MGA: variants seen among roughly 807,000 people sequenced by gnomAD.
The protein encoded by MGA is MAX dimerization protein MGA.
A neutral mutation model predicts 261.1 loss-of-function variants in MGA; 40 were observed. The observed-to-expected ratio is 0.15, with a 90% confidence interval of 0.12 to 0.20. The LOEUF is 0.20. Ranked by LOEUF, MGA falls within the 10% of genes least tolerant of loss-of-function variation. The pLI, the probability that MGA is intolerant of heterozygous loss-of-function variation, is 1.00. For synonymous variants in MGA, 1,302 were observed against 1,290.6 expected (o/e 1.01, Z -0.19); for missense variants, 3,397 against 3,630.5 (o/e 0.94, Z 1.65).
chr15:41,710,927 C>A lies in MGA; in HGVS notation c.2662C>A (p.Pro888Thr). 9.3e-6 allele frequency: 15 copies of A among 1,613,972 alleles called. No homozygotes were observed. Among genetic ancestry groups the A allele is most frequent in the Non-Finnish European group, 1.3e-5 (15 of 1,179,888 alleles). ...CCCTTCTACCTCTTATTCTTTGAAA[C>A]CTCATTCTGTACCCCCTGTCTCTCG... The change falls in exon 8 of 24, where the codon CCT (proline) becomes ACT (threonine). Residue 888 changes from proline to threonine, a missense_variant. Around this residue, in one of 9 missense-constraint regions of MGA, gnomAD observed 519 missense variants for 554.1 expected, o/e 0.94. Transcript: ENST00000219905.
chr15:41,745,281 T>TTAAAAAAAAAA (rs1555432883), intron 15 of MGA, among the ~76,000 whole-genome samples: 1 of 33,240 alleles, frequency 3.0e-5, no homozygotes, highest in Non-Finnish European at 6.7e-5. Flanking sequence ...GAATGATCAA[T>TTAAAAAAAAAA]AAAAAAAAAA....
At chr15:41,701,618 A>G (rs533175238) in intron 5 of MGA, among the ~76,000 whole-genome samples, 1 of 152,174 alleles carries the variant, frequency 6.6e-6, no homozygotes, top group Non-Finnish European at 1.5e-5. Context: ...GGACAGCTGC[A>G]TCAGTGGATT....
intron 3 of MGA, among the ~76,000 whole-genome samples, chr15:41,697,986 A>C (rs2059628954): frequency 6.6e-6 from 1 of 151,946 alleles, no homozygotes; most frequent in Non-Finnish European, 1.5e-5. Context: ...CCCCTGCCTC[A>C]GACTCCCGAG....
At chr15:41,647,150 A>G (rs1355651492) in intron 1 of MGA, among the ~76,000 whole-genome samples, 1 of 152,140 alleles carries the variant, frequency 6.6e-6, no homozygotes, top group Non-Finnish European at 1.5e-5. Context: ...AAATTGATAA[A>G]ATTTATGGAC....
At position 41,696,263 on chromosome 15, in the gene MGA, A is replaced by T; in HGVS notation, c.1253A>T (p.Asp418Val). The change falls in exon 3 of 24, where the codon GAT (aspartate) becomes GTT (valine). Residue 418 changes from aspartate to valine, a missense_variant. By Grantham distance (152) the Asp-to-Val change is radical. Around this residue, in one of 9 missense-constraint regions of MGA, gnomAD observed 563 missense variants for 563.6 expected, o/e 1.00. Transcript: ENST00000219905. ...GAGACGGATGTATACTCAAACAGTG[A>T]TGATGATCCTATACTAGAGAAACAG... 1 of 1,613,998 alleles carries T rather than the reference A, an allele frequency of 6.2e-7. No individual in the cohort carries two copies. Among genetic ancestry groups the T allele is most frequent in the Non-Finnish European group, 8.5e-7 (1 of 1,179,904 alleles).
intron 2 of MGA, among the ~76,000 whole-genome samples, chr15:41,678,310 C>G (rs1009211773): frequency 1.3e-5 from 2 of 151,458 alleles, no homozygotes; most frequent in Admixed American, 6.6e-5. Flanking sequence ...AGGCTGGTGT[C>G]GAACTCCTGA....
Position 41,696,299 on chromosome 15 carries a change from A to C in MGA, c.1289A>C (p.His430Pro). 1 of 1,613,954 alleles carries C rather than the reference A, an allele frequency of 6.2e-7. No individual in the cohort carries two copies. The highest frequency in any genetic ancestry group is 8.5e-7 in the Non-Finnish European group (1 of 1,179,906). The change falls in exon 3 of 24, where the codon CAC becomes CCC. Residue 430 changes from histidine (H) to proline (P), a missense_variant. By Grantham distance (77) the His-to-Pro change is moderately conservative. Coordinates refer to ENST00000219905, the MANE Select transcript of MGA (RefSeq NM_001164273.2). ...ATACTAGAGAAACAGCTAAAGAGGC[A>C]CAATAAAGTTGACAACCCAGAAGCT... is the stretch of plus-strand genomic sequence containing the variant.
chr15:41,726,532 C>A (rs890178941), intron 9 of MGA, among the ~76,000 whole-genome samples: 2 of 151,994 alleles, frequency 1.3e-5, no homozygotes, highest in Non-Finnish European at 2.9e-5. Context: ...AGTTCGAGAC[C>A]AGCCTGGCCA....
At chr15:41,755,112 T>A (rs1373248280) in intron 18 of MGA, among the ~76,000 whole-genome samples, 1 of 152,172 alleles carries the variant, frequency 6.6e-6, no homozygotes, top group Non-Finnish European at 1.5e-5. Flanking sequence ...ATGAAAGGAA[T>A]GATGACTTGC....
intron 8 of MGA, among the ~76,000 whole-genome samples, 192 bp downstream of exon 8, chr15:41,711,541 C>T (rs1167733980): frequency 6.7e-6 from 1 of 149,432 alleles, no homozygotes. Flanking sequence ...GTAGATTTCT[C>T]CTGCCATCAG....
chr15:41,738,835 G>T (rs1266296694), intron 13 of MGA, among the ~76,000 whole-genome samples: 1 of 152,076 alleles, frequency 6.6e-6, no homozygotes, highest in African/African-American at 2.4e-5. Flanking sequence ...CACATTCTTT[G>T]TACCAAACTC....
At chr15:41,624,527 G>T (rs1049619532) in intron 1 of MGA, among the ~76,000 whole-genome samples, 1 of 152,136 alleles carries the variant, frequency 6.6e-6, no homozygotes, top group Non-Finnish European at 1.5e-5. Context: ...TAGAGACGGG[G>T]TTTCACTATA....
chr15:41,714,741 C>T (rs1031318721), intron 9 of MGA, among the ~76,000 whole-genome samples: 29 of 152,154 alleles, frequency 1.9e-4, no homozygotes, highest in Non-Finnish European at 2.9e-4. Context: ...AATCTTCCTG[C>T]CTTAGCCTCC....
At chr15:41,763,294 G>T (rs1403269440) in intron 22 of MGA, among the ~76,000 whole-genome samples, 2 of 150,026 alleles carry the variant, frequency 1.3e-5, no homozygotes, top group African/African-American at 4.9e-5. Flanking sequence ...GTAGAGACGG[G>T]GTTTCACCGT....
At chr15:41,695,824 A>G (rs1248152562) in intron 2 of MGA, among the ~76,000 whole-genome samples, 1 of 152,178 alleles carries the variant, frequency 6.6e-6, no homozygotes, top group Non-Finnish European at 1.5e-5. Flanking sequence ...ACATACAGGA[A>G]AATATCAGCT....
chr15:41,707,449 C>G (rs1264786807), intron 5 of MGA, among the ~76,000 whole-genome samples: 1 of 152,156 alleles, frequency 6.6e-6, no homozygotes, highest in Admixed American at 6.6e-5. Context: ...ATCTCCCTTA[C>G]CACATTTTAT....
chr15:41,677,622 A>G (rs992378948), intron 2 of MGA, among the ~76,000 whole-genome samples: 11 of 152,232 alleles, frequency 7.2e-5, no homozygotes, highest in Admixed American at 7.2e-4. Context: ...ACTGTTTTTA[A>G]TAATAGCCAT....
chr15:41,656,258 C>G (rs1317804874), upstream of MGA, among the ~76,000 whole-genome samples: 1 of 151,528 alleles, frequency 6.6e-6, no homozygotes, highest in Non-Finnish European at 1.5e-5. Context: ...TCTTCTTAGG[C>G]AAGGGTGAGG....
chr15:41,653,926 C>T (rs115299194), intron 1 of MGA, among the ~76,000 whole-genome samples: 2,130 of 152,234 alleles, frequency 0.014, 58 homozygotes, highest in African/African-American at 0.049. Context: ...GGTTTCACTA[C>T]ACTGTTCTGT....
Sources: allele counts gnomAD v4.1 joint callset (sites outside exome capture counted in the v4.1 genomes callset), GRCh38; gene constraint gnomAD v4.1.1; regional missense constraint gnomAD v4.1.1; transcripts MANE v1.5; gene names NCBI Gene and HGNC (gene_info 2026-07-23, HGNC 2026-07-21).